ERICH5: variants seen among roughly 807,000 people sequenced by gnomAD.
The protein encoded by ERICH5 is glutamate rich 5.
Under a neutral mutation model 28.0 loss-of-function variants are expected in ERICH5, and 24 were observed. The ratio of observed to expected loss-of-function variants is 0.86; its 90% CI spans 0.62 to 1.21. ERICH5 has a LOEUF of 1.21. Ranked by LOEUF, ERICH5 falls within the 50% of genes most tolerant of loss-of-function variation. The pLI is 0.00. For synonymous variants in ERICH5, 163 were observed against 157.6 expected (o/e 1.03, Z -0.25); for missense variants, 421 against 441.2 (o/e 0.95, Z 0.41).
At chr8:98,079,166 CTTTTTTTTTTTT>C (rs528062932) in intron 1 of ERICH5, among the ~76,000 whole-genome samples, 11 of 75,588 alleles carry the variant, frequency 1.5e-4, no homozygotes, top group Non-Finnish European at 1.7e-4. Flanking sequence ...TTTTTTTTTC[CTTTTTTTTTTTT>C]TTTTTTTTTT....
At chr8:98,084,248 C>T (rs1193498427) in intron 1 of ERICH5, among the ~76,000 whole-genome samples, 3 of 151,978 alleles carry the variant, frequency 2.0e-5, no homozygotes, top group East Asian at 1.9e-4. Flanking sequence ...CCCTCCCTGT[C>T]GCTCTTTTCA....
chr8:98,072,974 T>C (rs1814945797), intron 1 of ERICH5, among the ~76,000 whole-genome samples: 1 of 152,186 alleles, frequency 6.6e-6, no homozygotes, highest in South Asian at 2.1e-4. Flanking sequence ...TACTTAGTAC[T>C]TAATCTAAAG....
intron 1 of ERICH5, among the ~76,000 whole-genome samples, chr8:98,077,635 C>G (rs1023233976): frequency 6.6e-6 from 1 of 152,182 alleles, no homozygotes; most frequent in Admixed American, 6.5e-5. Context: ...TTCAGCCTCT[C>G]CCCTAGGCAG....
intron 1 of ERICH5, among the ~76,000 whole-genome samples, chr8:98,072,774 T>G (rs991411742): frequency 3.9e-5 from 6 of 152,248 alleles, no homozygotes; most frequent in African/African-American, 2.4e-5. Flanking sequence ...GGACTTTTGT[T>G]GAAATGTTCT....
At chr8:98,084,864 G>A (rs556785411) in intron 1 of ERICH5, among the ~76,000 whole-genome samples, 79 of 152,010 alleles carry the variant, frequency 5.2e-4, no homozygotes, top group African/African-American at 1.6e-3. Flanking sequence ...TACACCATGG[G>A]AGCATCAGCA....
chr8:98,076,980 T>C (rs552503520), intron 1 of ERICH5, among the ~76,000 whole-genome samples: 96 of 152,206 alleles, frequency 6.3e-4, no homozygotes, highest in African/African-American at 2.1e-3. Flanking sequence ...GATGCTATAA[T>C]GGCCGGGTAT....
At chr8:98,082,549 G>T (rs1586204308) in intron 1 of ERICH5, among the ~76,000 whole-genome samples, 1 of 151,900 alleles carries the variant, frequency 6.6e-6, no homozygotes, top group African/African-American at 2.4e-5. Context: ...GGAGGCTGAG[G>T]CAGGGGACTC....
At chr8:98,077,043 G>A (rs890107167) in intron 1 of ERICH5, among the ~76,000 whole-genome samples, 8 of 152,026 alleles carry the variant, frequency 5.3e-5, no homozygotes, top group South Asian at 2.1e-4. Flanking sequence ...CAGGAGGATC[G>A]CTTCAGGCCA....
Position 98,093,289 on chromosome 8 carries a change from G to C in ERICH5, c.1081G>C (p.Glu361Gln), listed in dbSNP as rs759622161. 1.2e-6 allele frequency: 2 copies of C among 1,613,780 alleles called. No individual in the cohort carries two copies. Among genetic ancestry groups the C allele is most frequent in the South Asian group, 2.2e-5 (2 of 91,038 alleles). ...EKVSEGAETK[E>Q]EETGEVVDLS... ...AGTGAGTGAAGGGGCTGAAACCAAA[G>C]AAGAAGAAACAGGAGAAGTGGTGGA... The change falls in exon 3 of 3, where the codon GAA becomes CAA. Residue 361 changes from glutamate (E) to glutamine (Q), a missense_variant. By Grantham distance (29) the Glu-to-Gln change is conservative. Transcript: ENST00000318528.
intron 1 of ERICH5, among the ~76,000 whole-genome samples, chr8:98,070,461 AG>A (rs1403547120): frequency 6.6e-6 from 1 of 151,798 alleles, no homozygotes; most frequent in African/African-American, 2.4e-5. Flanking sequence ...GTTCGAGACC[AG>A]CCTGACCAAC....
At position 98,089,947 on chromosome 8, in the gene ERICH5, T is replaced by C; in HGVS notation, c.930T>C (p.His310=). The C allele has an allele frequency of 1.9e-6, 3 of 1,614,118 alleles. No individual in the cohort carries two copies. The highest frequency in any genetic ancestry group is 2.5e-6 in the Non-Finnish European group (3 of 1,180,020). ...QPEGIVGSME[H]PARNVEAGAY... is the part of the protein sequence containing the mutation. ...AAGGAATAGTTGGAAGCATGGAGCATCCAGCACGAAATGTAGAGGCAGGAG... is the reference window on the plus strand; with the variant it reads ...AAGGAATAGTTGGAAGCATGGAGCACCCAGCACGAAATGTAGAGGCAGGAG... Residue 310 remains histidine (H), a synonymous_variant, in exon 2 of 3, where the codon CAT becomes CAC. Coordinates refer to ENST00000318528, the MANE Select transcript of ERICH5 (RefSeq NM_173549.3).
At chr8:98,086,391 A>G (rs567987417) in intron 1 of ERICH5, among the ~76,000 whole-genome samples, 2 of 152,196 alleles carry the variant, frequency 1.3e-5, no homozygotes, top group African/African-American at 2.4e-5. Context: ...TGAAGATTAA[A>G]TTGATAGGCT....
chr8:98,067,516 GT>G (rs1402811058), intron 1 of ERICH5, among the ~76,000 whole-genome samples: 1 of 151,378 alleles, frequency 6.6e-6, no homozygotes, highest in African/African-American at 2.4e-5. Flanking sequence ...ATTTAAATCT[GT>G]TTTTGCCTCA....
intron 1 of ERICH5, among the ~76,000 whole-genome samples, chr8:98,069,999 T>C (rs1428630563): frequency 6.6e-6 from 1 of 152,154 alleles, no homozygotes; most frequent in Non-Finnish European, 1.5e-5. Flanking sequence ...AACACAAACA[T>C]TAATTGCACC....
At chr8:98,069,568 C>G (rs1355246430) in intron 1 of ERICH5, among the ~76,000 whole-genome samples, 2 of 152,138 alleles carry the variant, frequency 1.3e-5, no homozygotes, top group Non-Finnish European at 2.9e-5. Flanking sequence ...TTTATACCTG[C>G]ATAATAATAT....
At chr8:98,091,886 TTC>T (rs1419015414) in intron 2 of ERICH5, among the ~76,000 whole-genome samples, 11 of 92,726 alleles carry the variant, frequency 1.2e-4, no homozygotes, top group African/African-American at 4.2e-4. Flanking sequence ...CTTTCTTTCT[TTC>T]TTTCTTTCTT....
intron 1 of ERICH5, among the ~76,000 whole-genome samples, chr8:98,083,606 G>GCA (rs374945438): frequency 1.7e-4 from 25 of 150,864 alleles, no homozygotes; most frequent in Admixed American, 2.6e-4. Flanking sequence ...TGACACACAT[G>GCA]CACACACACA....
At chr8:98,077,433 C>G (rs1036121794) in intron 1 of ERICH5, among the ~76,000 whole-genome samples, 2 of 152,176 alleles carry the variant, frequency 1.3e-5, no homozygotes, top group South Asian at 4.1e-4. Context: ...ATCAATGAAA[C>G]TCTCTTTTTT....
intron 1 of ERICH5, among the ~76,000 whole-genome samples, chr8:98,073,502 A>C (rs1168223275): frequency 0.039 from 148 of 3,824 alleles, 33 homozygotes; most frequent in African/African-American, 0.081. Flanking sequence ...ATATATATAT[A>C]TATATATATA....
Sources: gnomAD v4.1 joint callset for allele counts (sites outside exome capture counted in the v4.1 genomes callset) on GRCh38, gnomAD v4.1.1 for gene constraint, MANE v1.5 for transcripts, NCBI Gene and HGNC (gene_info 2026-07-23, HGNC 2026-07-21) for gene names.